Variants in SNTG1 observed in about 807,000 individuals in gnomAD.
The protein encoded by SNTG1 is syntrophin gamma 1.
SNTG1 carries 39 observed loss-of-function variants against 74.7 expected under a neutral mutation model. The ratio of observed to expected loss-of-function variants is 0.52; its 90% CI spans 0.40 to 0.68. The LOEUF (loss-of-function observed/expected upper bound fraction) is 0.68, where lower values mean the gene tolerates loss of function less well. Ranked by LOEUF, SNTG1 falls within the 30% of genes least tolerant of loss-of-function variation. The pLI is 0.00. For missense variants in SNTG1, 685 were observed against 609.5 expected, an observed-to-expected ratio of 1.12 and a Z score of -1.30; for synonymous variants, 254 against 217.1, an observed-to-expected ratio of 1.17 and a Z score of -1.49.
intron 2 of SNTG1, among the ~76,000 whole-genome samples, chr8:50,205,339 C>T (rs545131338): frequency 1.5e-4 from 23 of 152,274 alleles, no homozygotes; most frequent in Non-Finnish European, 1.8e-4. Flanking sequence ...AACATTTTTT[C>T]ATGTGTCTGT....
intron 15 of SNTG1, 74 bp downstream of exon 15, chr8:50,658,737 C>T: frequency 1.1e-6 from 1 of 920,992 alleles, no homozygotes; most frequent in Non-Finnish European, 1.7e-6. Context: ...ATAAGCAGCT[C>T]ATGAAAACAA....
intron 1 of SNTG1, among the ~76,000 whole-genome samples, chr8:49,995,534 C>T (rs776119208): frequency 1.6e-4 from 24 of 152,204 alleles, no homozygotes; most frequent in Admixed American, 2.6e-4. Flanking sequence ...TTTAATTTTT[C>T]TCCAATAGCA....
intron 9 of SNTG1, among the ~76,000 whole-genome samples, chr8:50,506,825 G>A (rs1234813420): frequency 6.6e-6 from 1 of 151,922 alleles, no homozygotes; most frequent in Admixed American, 6.6e-5. Context: ...AATTGCTTCT[G>A]GCTAGAACTT....
intron 1 of SNTG1, among the ~76,000 whole-genome samples, chr8:50,104,932 A>T (rs921875843): frequency 6.6e-6 from 1 of 152,054 alleles, no homozygotes; most frequent in Non-Finnish European, 1.5e-5. Context: ...TAGATTATGC[A>T]TATTAGACTG....
rs2094836669 is a variant in SNTG1, at chr8:50,609,674, C to T, written c.849+18757C>T. On this transcript the variant is annotated intron_variant, in intron 13 of 18. Transcript: ENST00000642720. ...GACTATCAATACACATGTTGATATGCTTAACACTTTTCCAAAGGTCTCTAA... is the reference window on the plus strand; with the variant it reads ...GACTATCAATACACATGTTGATATGTTTAACACTTTTCCAAAGGTCTCTAA... Among the ~76,000 whole-genome samples the T allele has an allele frequency of 2.6e-5, 4 of 152,102 alleles. No homozygotes were observed. The South Asian group carries it at 8.3e-4, about 31-fold the overall frequency.
At chr8:50,670,277 G>T (rs2095273653) in intron 15 of SNTG1, among the ~76,000 whole-genome samples, 1 of 151,990 alleles carries the variant, frequency 6.6e-6, no homozygotes. Flanking sequence ...TGACATGATT[G>T]TATATCTAGA....
At chr8:50,348,415 A>C (rs2091547984) in intron 2 of SNTG1, among the ~76,000 whole-genome samples, 1 of 152,144 alleles carries the variant, frequency 6.6e-6, no homozygotes, top group Admixed American at 6.5e-5. Context: ...GAGGGAAATG[A>C]CTAATGTATG....
At chr8:50,418,278 T>C (rs998251737) in intron 4 of SNTG1, among the ~76,000 whole-genome samples, 2 of 152,110 alleles carry the variant, frequency 1.3e-5, no homozygotes, top group African/African-American at 4.8e-5. Flanking sequence ...TTCTCATTCC[T>C]AATTTTACTT....
intron 1 of SNTG1, among the ~76,000 whole-genome samples, chr8:49,958,409 ATTTTCTTTG>A (rs1047642182): frequency 2.7e-5 from 4 of 150,518 alleles, no homozygotes; most frequent in African/African-American, 7.3e-5. Context: ...GCTTGTCAAC[ATTTTCTTTG>A]TTTTCTTTCT....
chr8:50,281,025 T>G lies in SNTG1; in HGVS notation c.-28+108390T>G, dbSNP rs1438444566. 3.4e-5 allele frequency among the ~76,000 whole-genome samples: 4 copies of G among 117,096 alleles called. No homozygotes were observed. The South Asian group carries it at 1.1e-3, about 33-fold the overall frequency. The allele number at this position is 117,096 out of a possible 152,430, so 76.8% of individuals were successfully genotyped here. On this transcript the variant is annotated intron_variant, in intron 2 of 18. Coordinates refer to ENST00000642720, the MANE Select transcript of SNTG1 (RefSeq NM_018967.5). ...AAAAAAAGAAAGAAAGAAAGAAAAA[T>G]AAAAGGACCTAGAAAAGGGACGAGG...
At chr8:50,684,644 T>C (rs909784178) in intron 15 of SNTG1, among the ~76,000 whole-genome samples, 12 of 151,912 alleles carry the variant, frequency 7.9e-5, no homozygotes, top group African/African-American at 2.9e-4. Flanking sequence ...ATATGATCTA[T>C]CCATATTTTA....
chr8:49,939,096 T>A (rs1808442997), intron 1 of SNTG1, among the ~76,000 whole-genome samples: 1 of 152,194 alleles, frequency 6.6e-6, no homozygotes, highest in African/African-American at 2.4e-5. Context: ...ACATTTTAAA[T>A]TTTATTTAGT....
At chr8:50,629,941 C>T (rs2094984877) in intron 13 of SNTG1, among the ~76,000 whole-genome samples, 1 of 152,154 alleles carries the variant, frequency 6.6e-6, no homozygotes, top group African/African-American at 2.4e-5. Flanking sequence ...ATACATGTGG[C>T]ATTAGTACCT....
At chr8:50,451,254 T>G (rs919277393) in intron 8 of SNTG1, among the ~76,000 whole-genome samples, 2 of 152,212 alleles carry the variant, frequency 1.3e-5, no homozygotes, top group African/African-American at 4.8e-5. Context: ...ATATTAGATA[T>G]TGCAAGTATC....
chr8:50,155,658 G>A (rs888694701), intron 1 of SNTG1, among the ~76,000 whole-genome samples: 5 of 151,916 alleles, frequency 3.3e-5, no homozygotes, highest in African/African-American at 1.2e-4. Context: ...ACATTTGTAA[G>A]ATGAAGCTTA....
At chr8:49,918,277 T>C (rs1226024286) in intron 1 of SNTG1, among the ~76,000 whole-genome samples, 2 of 152,178 alleles carry the variant, frequency 1.3e-5, no homozygotes, top group Admixed American at 6.5e-5. Flanking sequence ...AATTAACTCA[T>C]AGAACAAATA....
intron 15 of SNTG1, among the ~76,000 whole-genome samples, chr8:50,700,707 T>C (rs190006192): frequency 2.0e-5 from 3 of 152,312 alleles, no homozygotes; most frequent in African/African-American, 4.8e-5. Context: ...CTCAAGATGA[T>C]TTATCGTTCC....
intron 8 of SNTG1, among the ~76,000 whole-genome samples, chr8:50,497,547 A>G (rs1350231053): frequency 6.6e-6 from 1 of 152,078 alleles, no homozygotes; most frequent in Non-Finnish European, 1.5e-5. Flanking sequence ...AGCCAAGTTC[A>G]TAAATTCATT....
At chr8:50,119,259 GAGA>G (rs2080921957) in intron 1 of SNTG1, among the ~76,000 whole-genome samples, 3 of 141,048 alleles carry the variant, frequency 2.1e-5, no homozygotes, top group Admixed American at 1.5e-4. Context: ...CCACCACAGA[GAGA>G]AGGCTAATTC....
Sources: allele counts gnomAD v4.1 joint callset (sites outside exome capture counted in the v4.1 genomes callset), GRCh38; gene constraint gnomAD v4.1.1; transcripts MANE v1.5; gene names NCBI Gene and HGNC (gene_info 2026-07-23, HGNC 2026-07-21).